The following SPPL3 variants were observed in gnomAD, a reference collection of about 807,000 sequenced individuals.
SPPL3 encodes signal peptide peptidase like 3.
A neutral mutation model predicts 42.4 loss-of-function variants in SPPL3; 5 were observed. That is an observed-to-expected ratio of 0.12 (90% confidence interval 0.06 to 0.25). SPPL3 has a LOEUF of 0.25. Ranked by LOEUF, SPPL3 falls within the 10% of genes least tolerant of loss-of-function variation. SPPL3 has a pLI of 1.00. For synonymous variants in SPPL3, 195 were observed against 181.8 expected (o/e 1.07, Z -0.58); for missense variants, 235 against 489.0 (o/e 0.48, Z 4.90).
At chr12:120,854,585 G>A (rs901704214) in intron 1 of SPPL3, among the ~76,000 whole-genome samples, 2 of 152,084 alleles carry the variant, frequency 1.3e-5, no homozygotes, top group Non-Finnish European at 2.9e-5. Context: ...CCAAATACAT[G>A]TTAAATTATA....
intron 1 of SPPL3, among the ~76,000 whole-genome samples, chr12:120,819,216 A>G (rs1310737779): frequency 6.6e-6 from 1 of 152,188 alleles, no homozygotes; most frequent in Non-Finnish European, 1.5e-5. Flanking sequence ...AACTATCTCA[A>G]TGGATTTTTT....
At position 120,858,993 on chromosome 12, in the gene SPPL3, T is replaced by C. The variant is rs79603458; in HGVS notation, c.23+44852A>G. Reference sequence around the variant, plus strand: ...ACTTATTTAGTCACTCTAGGGTCCTTATAAGAGATGGTTATGTTTTCAATT... The same window carrying C: ...ACTTATTTAGTCACTCTAGGGTCCTCATAAGAGATGGTTATGTTTTCAATT... On this transcript the variant is annotated intron_variant, in intron 1 of 10. Coordinates refer to ENST00000353487, the MANE Select transcript of SPPL3 (RefSeq NM_139015.5). Among the ~76,000 whole-genome samples, 897 of 152,294 alleles carry C rather than the reference T, an allele frequency of 5.9e-3. 11 individuals are homozygous for C. Among genetic ancestry groups the C allele is most frequent in the African/African-American group, 0.019 (809 of 41,562 alleles).
intron 1 of SPPL3, among the ~76,000 whole-genome samples, chr12:120,897,741 T>C (rs1460007953): frequency 2.0e-5 from 3 of 152,122 alleles, no homozygotes; most frequent in Non-Finnish European, 2.9e-5. Flanking sequence ...ATAATAATAA[T>C]GAGCAAATCT....
rs745838891 is a variant in SPPL3, at chr12:120,810,799, A to G, written c.101+10T>C. The G allele has an allele frequency of 2.5e-6, 4 of 1,598,132 alleles. No homozygotes were observed. The highest frequency in any genetic ancestry group is 3.4e-6 in the Non-Finnish European group (4 of 1,167,034). On this transcript the variant is annotated intron_variant, in intron 2 of 10. Coordinates refer to ENST00000353487, the MANE Select transcript of SPPL3 (RefSeq NM_139015.5). ...CCAACTTGTATCAACCCCATTTGAG[A>G]ATATCTTACCTGAAACTACCATAGA...
At chr12:120,765,446 C>G (rs1362188175) in intron 10 of SPPL3, among the ~76,000 whole-genome samples, 2 of 151,686 alleles carry the variant, frequency 1.3e-5, no homozygotes, top group African/African-American at 2.4e-5. Context: ...CACCACCATG[C>G]CCAGTTCATT....
chr12:120,882,928 T>C (rs1873339141), intron 1 of SPPL3, among the ~76,000 whole-genome samples: 2 of 151,424 alleles, frequency 1.3e-5, no homozygotes, highest in African/African-American at 4.9e-5. Flanking sequence ...CTAGAGATCG[T>C]TGAGGAAAGC....
intron 1 of SPPL3, among the ~76,000 whole-genome samples, chr12:120,879,432 C>G: frequency 6.6e-6 from 1 of 152,100 alleles, no homozygotes; most frequent in East Asian, 1.9e-4. Flanking sequence ...GTGAGTGGTA[C>G]TTCCCAAAAT....
chr12:120,774,002 T>G (rs1216639373), intron 6 of SPPL3, among the ~76,000 whole-genome samples: 1 of 152,196 alleles, frequency 6.6e-6, no homozygotes, highest in Non-Finnish European at 1.5e-5. Flanking sequence ...ACCTGCTGCT[T>G]TGTCATTCAT....
chr12:120,795,157 G>T (rs897259589), intron 2 of SPPL3, among the ~76,000 whole-genome samples: 1 of 152,104 alleles, frequency 6.6e-6, no homozygotes. Flanking sequence ...TGCCCAGGCT[G>T]GTCTCAAACA....
chr12:120,792,329 A>G (rs1335146855), intron 2 of SPPL3, among the ~76,000 whole-genome samples: 1 of 108,104 alleles, frequency 9.3e-6, no homozygotes, highest in Non-Finnish European at 1.8e-5. Flanking sequence ...GTTGTGTACA[A>G]AAGCTTGCTC....
At chr12:120,836,279 G>C (rs544978942) in intron 1 of SPPL3, among the ~76,000 whole-genome samples, 27 of 152,098 alleles carry the variant, frequency 1.8e-4, no homozygotes, top group Non-Finnish European at 3.5e-4. Flanking sequence ...TTTAGGCCTA[G>C]ATTGAAAAGA....
intron 1 of SPPL3, among the ~76,000 whole-genome samples, chr12:120,832,469 C>T (rs1206684108): frequency 6.6e-6 from 1 of 152,052 alleles, no homozygotes; most frequent in African/African-American, 2.4e-5. Context: ...GTCGGGAGTT[C>T]AAGACCAGCC....
At chr12:120,812,396 T>C (rs1396557161) in intron 1 of SPPL3, among the ~76,000 whole-genome samples, 1 of 152,122 alleles carries the variant, frequency 6.6e-6, no homozygotes, top group Admixed American at 6.6e-5. Context: ...CCTCCCAAAG[T>C]GTTGGGATTA....
intron 3 of SPPL3, among the ~76,000 whole-genome samples, chr12:120,790,733 G>C (rs1342331712): frequency 2.6e-5 from 4 of 152,256 alleles, no homozygotes; most frequent in South Asian, 4.1e-4. Context: ...TCTATGTTCA[G>C]AGGGATTCTG....
Position 120,783,721 on chromosome 12 carries a change from G to A in SPPL3, c.342C>T (p.Leu114=), listed in dbSNP as rs1869618882. Residue 114 remains leucine (L), a synonymous_variant, in exon 5 of 11, where the codon CTC becomes CTT. Coordinates refer to ENST00000353487, the MANE Select transcript of SPPL3 (RefSeq NM_139015.5). ...VLATIAFAFL[L]LPMCQYLTRP... ...TTGTTAAATACTGGCACATCGGGAG[G>A]AGAAGAAAAGCAAAAGCTATCGTTG... 6.2e-7 allele frequency: 1 copy of A among 1,613,712 alleles called. No homozygotes were observed. Among genetic ancestry groups the A allele is most frequent in the Non-Finnish European group, 8.5e-7 (1 of 1,179,776 alleles).
At chr12:120,827,117 G>C (rs1285114146) in intron 1 of SPPL3, among the ~76,000 whole-genome samples, 1 of 151,656 alleles carries the variant, frequency 6.6e-6, no homozygotes, top group Non-Finnish European at 1.5e-5. Context: ...TGAAAGTGTG[G>C]GTTTTAAAGA....
chr12:120,836,988 AT>A (rs67329171), intron 1 of SPPL3, among the ~76,000 whole-genome samples: 62,449 of 150,790 alleles, frequency 0.41, 14,442 homozygotes, highest in Middle Eastern at 0.57. Context: ...AGCTCTCTGC[AT>A]TTTTTTTTTG....
chr12:120,794,274 T>C (rs1870023980), intron 2 of SPPL3, among the ~76,000 whole-genome samples: 1 of 101,172 alleles, frequency 9.9e-6, no homozygotes, highest in African/African-American at 7.0e-5. Flanking sequence ...TTTTAACTAT[T>C]TTTTTTTTAA....
chr12:120,861,056 G>A (rs1222850663), intron 1 of SPPL3, among the ~76,000 whole-genome samples: 1 of 152,066 alleles, frequency 6.6e-6, no homozygotes, highest in East Asian at 1.9e-4. Context: ...ATAGTACAAT[G>A]AAAACGCTAT....
Sources: gnomAD v4.1 joint callset for allele counts (sites outside exome capture counted in the v4.1 genomes callset) on GRCh38, gnomAD v4.1.1 for gene constraint, MANE v1.5 for transcripts, NCBI Gene and HGNC (gene_info 2026-07-23, HGNC 2026-07-21) for gene names.